NCKAP5: variants seen among roughly 807,000 people sequenced by gnomAD.
NCKAP5 encodes the protein NCK associated protein 5.
A neutral mutation model predicts 167.0 loss-of-function variants in NCKAP5; 92 were observed. That is an observed-to-expected ratio of 0.55 (90% CI 0.47 to 0.66). The LOEUF (loss-of-function observed/expected upper bound fraction) is 0.66, where lower values mean the gene tolerates loss of function less well. NCKAP5 is among the 30% of genes least tolerant of loss of function. The pLI, the probability that NCKAP5 is intolerant of heterozygous loss-of-function variation, is 0.00. For missense variants in NCKAP5, 2,378 were observed against 2,315.0 expected, an observed-to-expected ratio of 1.03 and a Z score of -0.56; for synonymous variants, 891 against 877.4, an observed-to-expected ratio of 1.02 and a Z score of -0.27.
chr2:133,650,747 T>A, the NCKAP5 span, among the ~76,000 whole-genome samples: 41 of 150,954 alleles, frequency 2.7e-4, no homozygotes, highest in Admixed American at 2.6e-4. Context: ...CCACACGTGG[T>A]GGTGGGCGCC....
intron 6 of NCKAP5, among the ~76,000 whole-genome samples, chr2:133,050,907 G>A (rs2149484761): frequency 6.6e-6 from 1 of 152,296 alleles, no homozygotes; most frequent in South Asian, 2.1e-4. Flanking sequence ...AGGGATAAAA[G>A]TGCTTGCTTT....
the NCKAP5 span, among the ~76,000 whole-genome samples, chr2:133,615,949 A>C: frequency 1.2e-4 from 18 of 150,756 alleles, no homozygotes; most frequent in East Asian, 1.4e-3. Context: ...ATAACAAACT[A>C]TCTCTCAGAC....
chr2:133,064,255 T>C (rs572262777), intron 6 of NCKAP5, among the ~76,000 whole-genome samples: 1 of 152,372 alleles, frequency 6.6e-6, no homozygotes, highest in South Asian at 2.1e-4. Flanking sequence ...TCTATCAAGT[T>C]AGAGTGCAAA....
intron 19 of NCKAP5, among the ~76,000 whole-genome samples, chr2:132,718,403 G>A (rs1438503258): frequency 1.3e-5 from 2 of 152,312 alleles, no homozygotes; most frequent in East Asian, 3.9e-4. Flanking sequence ...ACACTCATCA[G>A]TTAAGAGTGG....
chr2:133,454,472 T>C lies in NCKAP5; in HGVS notation c.69+62986A>G, dbSNP rs1691729108. Among the ~76,000 whole-genome samples the C allele has an allele frequency of 2.0e-5, 3 of 152,094 alleles. No homozygotes were observed. The South Asian group carries it at 6.2e-4, about 32-fold the overall frequency. ...AATATTCATATCAAATCATGTAATA[T>C]TTATTAAACATTCATTTGTGTCAAC... On this transcript the variant is annotated intron_variant, in intron 3 of 19. Coordinates refer to ENST00000409261, the MANE Select transcript of NCKAP5 (RefSeq NM_207363.3).
At chr2:132,810,945 C>CT (rs1328842507) in intron 11 of NCKAP5, among the ~76,000 whole-genome samples, 1 of 152,140 alleles carries the variant, frequency 6.6e-6, no homozygotes, top group Non-Finnish European at 1.5e-5. Context: ...TTGTTCAGAT[C>CT]TTTTTGTCCT....
At chr2:133,314,695 A>C (rs1185690774) in intron 3 of NCKAP5, among the ~76,000 whole-genome samples, 2 of 152,242 alleles carry the variant, frequency 1.3e-5, no homozygotes, top group African/African-American at 4.8e-5. Flanking sequence ...CAGTGCAGGC[A>C]AGTCTCTGCC....
At chr2:132,839,590 A>T (rs1688144500) in intron 11 of NCKAP5, among the ~76,000 whole-genome samples, 1 of 151,942 alleles carries the variant, frequency 6.6e-6, no homozygotes, top group Non-Finnish European at 1.5e-5. Flanking sequence ...GTGAAAACCC[A>T]TCTCTACAAA....
chr2:133,193,637 A>G (rs1274137895), intron 5 of NCKAP5, among the ~76,000 whole-genome samples: 1 of 152,120 alleles, frequency 6.6e-6, no homozygotes, highest in East Asian at 1.9e-4. Context: ...CAGTTCAAAT[A>G]AACCGGAGAA....
At chr2:133,467,145 T>G (rs1575006740) in intron 3 of NCKAP5, among the ~76,000 whole-genome samples, 1 of 151,764 alleles carries the variant, frequency 6.6e-6, no homozygotes, top group African/African-American at 2.4e-5. Flanking sequence ...TGGCTGTGGG[T>G]TTGTCATAGA....
chr2:132,878,768 G>A, intron 9 of NCKAP5, 80 bp downstream of exon 9: 3 of 1,001,536 alleles, frequency 3.0e-6, no homozygotes, highest in South Asian at 2.6e-5. Context: ...GATACTGGTA[G>A]CACACACACA....
chr2:133,576,734 T>A, the NCKAP5 span, among the ~76,000 whole-genome samples: 1 of 152,184 alleles, frequency 6.6e-6, no homozygotes, highest in African/African-American at 2.4e-5. Context: ...TAGGACAATC[T>A]GAAAATAAAG....
chr2:133,424,919 A>G (rs1689698511), intron 3 of NCKAP5, among the ~76,000 whole-genome samples: 1 of 152,206 alleles, frequency 6.6e-6, no homozygotes, highest in East Asian at 1.9e-4. Flanking sequence ...AATTCAAAGC[A>G]TTTTGACAAA....
At chr2:132,796,007 C>G (rs901084628) in intron 12 of NCKAP5, among the ~76,000 whole-genome samples, 1 of 151,206 alleles carries the variant, frequency 6.6e-6, no homozygotes, top group African/African-American at 2.4e-5. Context: ...AAATTCAATT[C>G]AAATCTAACT....
chr2:132,734,841 C>A (rs565093382), intron 16 of NCKAP5, among the ~76,000 whole-genome samples: 22 of 150,824 alleles, frequency 1.5e-4, no homozygotes, highest in Non-Finnish European at 3.1e-4. Context: ...ACTGATTCCC[C>A]GCAGAAGCAC....
At chr2:133,574,948 G>GTA in the NCKAP5 span, among the ~76,000 whole-genome samples, 1 of 152,232 alleles carries the variant, frequency 6.6e-6, no homozygotes, top group African/African-American at 2.4e-5. Flanking sequence ...AGATGCAGCT[G>GTA]TAGGCTTTTC....
intron 5 of NCKAP5, among the ~76,000 whole-genome samples, chr2:133,185,272 G>A (rs2084897058): frequency 6.6e-6 from 1 of 152,020 alleles, no homozygotes; most frequent in East Asian, 1.9e-4. Context: ...GATGGTTATA[G>A]GTGTGCAGCT....
intron 6 of NCKAP5, among the ~76,000 whole-genome samples, chr2:133,093,152 T>C (rs956215041): frequency 3.3e-5 from 5 of 152,202 alleles, no homozygotes; most frequent in Admixed American, 2.0e-4. Context: ...GCAATAAATA[T>C]TAGCTGTTAC....
At chr2:132,985,518 T>G (rs1017470111) in intron 7 of NCKAP5, among the ~76,000 whole-genome samples, 11 of 152,206 alleles carry the variant, frequency 7.2e-5, no homozygotes, top group African/African-American at 2.7e-4. Flanking sequence ...AAAATTCACC[T>G]TATAGAATAA....
Sources: allele counts gnomAD v4.1 joint callset (sites outside exome capture counted in the v4.1 genomes callset), GRCh38; gene constraint gnomAD v4.1.1; transcripts MANE v1.5; gene names NCBI Gene and HGNC (gene_info 2026-07-23, HGNC 2026-07-21).